PASK: variants seen among roughly 807,000 people sequenced by gnomAD.
PASK encodes the protein PAS domain containing serine/threonine kinase, also known as PAS domain-containing serine/threonine-protein kinase.
Under a neutral mutation model 121.0 loss-of-function variants are expected in PASK, and 110 were observed. The ratio of observed to expected loss-of-function variants is 0.91; its 90% CI spans 0.78 to 1.06. PASK has a LOEUF of 1.06. Among genes scored for constraint, PASK ranks in the 50% least tolerant of loss-of-function variants. The pLI, the probability that PASK is intolerant of heterozygous loss-of-function variation, is 0.00. For synonymous variants in PASK, 686 were observed against 717.8 expected, an observed-to-expected ratio of 0.96 and a Z score of 0.71; for missense variants, 1,643 against 1,702.3, an observed-to-expected ratio of 0.97 and a Z score of 0.61.
At chr2:241,130,146 C>G (rs2125435133) in intron 9 of PASK, among the ~76,000 whole-genome samples, 1 of 152,316 alleles carries the variant, frequency 6.6e-6, no homozygotes, top group Middle Eastern at 3.4e-3. Flanking sequence ...ATTGTCCTGA[C>G]CAGACTACAA....
In PASK at chr2:241,122,780, C is replaced by T. The variant is rs2065674482; in HGVS notation, c.3024G>A (p.Gly1008=). 6.2e-7 allele frequency: 1 copy of T among 1,614,092 alleles called. No homozygotes were observed. Among genetic ancestry groups the T allele is most frequent in the Admixed American group, 1.7e-5 (1 of 60,014 alleles). ...CAGCAGTCCACACGAAGCCGAAGGC[C>T]CCACTGCCCAGCGGGCTCATGGTAC... The part of the protein sequence containing the change: ...KYSTMSPLGS[G]AFGFVWTAVD... The change falls in exon 12 of 18, where the codon GGG becomes GGA. Residue 1008 remains glycine, a synonymous_variant. Coordinates refer to ENST00000234040, the MANE Select transcript of PASK (RefSeq NM_015148.4).
At position 241,106,437 on chromosome 2, in the gene PASK, CA is replaced by C. The variant is rs888243722; in HGVS notation, c.*128del. On this transcript the variant is annotated 3_prime_UTR_variant, in exon 18 of 18. Coordinates refer to ENST00000234040, the MANE Select transcript of PASK (RefSeq NM_015148.4). Reference sequence around the variant, plus strand: ...CACTGTCTTCTGTTCTGGTGTTTATCAAACCTGCACATGAGTTTTTAGAAGG... The same window carrying C: ...CACTGTCTTCTGTTCTGGTGTTTATCAACCTGCACATGAGTTTTTAGAAGG... The C allele has an allele frequency of 2.2e-5, 20 of 918,914 alleles. No homozygotes were observed. The African/African-American group carries it at 2.9e-4, about 13-fold the overall frequency. The allele number at this position is 918,914 out of a possible 1,614,324, so 56.9% of individuals were successfully genotyped here. A position where few individuals can be genotyped will look rare whatever the true frequency, so the allele number is the denominator to read the frequency against.
rs934132161 is a variant in PASK, at chr2:241,126,480, C to T, written c.2435G>A (p.Arg812Gln). Residue 812 changes from arginine (R) to glutamine (Q), a missense_variant, in exon 10 of 18, where the codon CGG (arginine) becomes CAG (glutamine). Transcript: ENST00000234040. ...GTCVDLGQGR[R>Q]FRESCVGHDP... ...ATGTCCCACACAGCTCTCCCGGAAC[C>T]GTCGGCCTTGGCCAAGGTCAACACA... 1.2e-6 allele frequency: 2 copies of T among 1,614,216 alleles called. No individual in the cohort carries two copies. Among genetic ancestry groups the T allele is most frequent in the Non-Finnish European group, 1.7e-6 (2 of 1,180,016 alleles).
In PASK at chr2:241,131,473, C is replaced by T. The variant is rs117384835; in HGVS notation, c.1463+1401G>A. On this transcript the variant is annotated intron_variant, in intron 9 of 17. Coordinates refer to ENST00000234040, the MANE Select transcript of PASK (RefSeq NM_015148.4). ...CATGCATTACATATTTTTAAACATA[C>T]ATACATACTTTATATGTATCTATTA... Among the ~76,000 whole-genome samples, 933 of 152,300 alleles carry T rather than the reference C, an allele frequency of 6.1e-3. 36 individuals are homozygous for T. In the East Asian group the frequency reaches 0.093, roughly 15 times the overall value.
chr2:241,136,129 G>A (rs1352968002), intron 7 of PASK, 90 bp from the exon 8 acceptor site: 1 of 1,164,532 alleles, frequency 8.6e-7, no homozygotes, highest in Non-Finnish European at 1.3e-6. Context: ...AACACAAGGA[G>A]AGCCAGTCCC....
intron 12 of PASK, among the ~76,000 whole-genome samples, chr2:241,120,706 C>T (rs915230123): frequency 1.3e-5 from 2 of 152,134 alleles, no homozygotes; most frequent in African/African-American, 4.8e-5. Flanking sequence ...GACCAGGAAC[C>T]CTTGTACACT....
chr2:241,131,150 ATTT>A (rs58426249), intron 9 of PASK, among the ~76,000 whole-genome samples: 3 of 141,814 alleles, frequency 2.1e-5, no homozygotes, highest in Admixed American at 7.0e-5. Context: ...CATGTATTAC[ATTT>A]TTTTTTTTTT....
At position 241,107,485 on chromosome 2, in the gene PASK, C is replaced by G. The variant is rs990329623; in HGVS notation, c.3682G>C (p.Val1228Leu). Reference protein sequence around the residue: ...YLVSKELMSLVSGLLQPVPER... With the variant: ...YLVSKELMSLLSGLLQPVPER... ...GGGACTGGCTGCAGCAGCCCAGACA[C>G]AAGGCTCATGAGTTCTGGGGACACA... Residue 1228 changes from valine (V) to leucine (L), a missense_variant, in exon 17 of 18, where the codon GTG (valine) becomes CTG (leucine). This residue lies in a region of PASK where 453 missense variants were observed against 511.2 expected (regional missense o/e 0.89). Transcript: ENST00000234040. 1.9e-6 allele frequency: 3 copies of G among 1,614,066 alleles called. No homozygotes were observed. Among genetic ancestry groups the G allele is most frequent in the Non-Finnish European group, 2.5e-6 (3 of 1,179,966 alleles).
rs369472153 is a variant in PASK, at chr2:241,138,794, C to G, written c.601G>C (p.Val201Leu). The G allele has an allele frequency of 6.2e-7, 1 of 1,613,976 alleles. No homozygotes were observed. Among genetic ancestry groups the G allele is most frequent in the Non-Finnish European group, 8.5e-7 (1 of 1,180,040 alleles). Residue 201 changes from valine to leucine, a missense_variant and splice_region_variant, in exon 5 of 18, where the codon GTG becomes CTG. Val to Leu is a conservative substitution (Grantham distance 32). Around this residue, in one of 3 missense-constraint regions of PASK, gnomAD observed 1,176 missense variants for 1,162.2 expected, o/e 1.01. Coordinates refer to ENST00000234040, the MANE Select transcript of PASK (RefSeq NM_015148.4). ...GHAAVVFGTV[V>L]DIISRSGEKI... ...TCCCCACTACGGCTGATGATGTCCA[C>G]CTGTGGAAACAGACAGGTTCACACC...
intron 1 of PASK, among the ~76,000 whole-genome samples, chr2:241,143,526 G>A (rs1214056214): frequency 6.6e-6 from 1 of 151,722 alleles, no homozygotes; most frequent in South Asian, 2.1e-4. Flanking sequence ...ACTCCAGCCT[G>A]GGCGATAGAG....
intron 8 of PASK, among the ~76,000 whole-genome samples, chr2:241,135,163 T>A (rs1189169490): frequency 6.6e-6 from 1 of 152,244 alleles, no homozygotes; most frequent in Non-Finnish European, 1.5e-5. Context: ...AGACTGTGCA[T>A]ATGAAAGGGA....
chr2:241,121,495 C>A (rs2065609000), intron 12 of PASK, among the ~76,000 whole-genome samples: 1 of 152,118 alleles, frequency 6.6e-6, no homozygotes, highest in African/African-American at 2.4e-5. Flanking sequence ...TAGAAAACAT[C>A]TAGATTTAGA....
chr2:241,135,879 C>A lies in PASK; in HGVS notation c.1298G>T (p.Gly433Val), dbSNP rs1397286077. Residue 433 changes from glycine to valine, a missense_variant, in exon 8 of 18, where the codon GGG becomes GTG. Gly to Val is a moderately radical substitution (Grantham distance 109). Transcript: ENST00000234040. Reference sequence around the variant, plus strand: ...GGAAGAGGACGTCTTACCCTGGCCCCCCTCAGCTGGGTCCTGGCCCTGCCA... The same window carrying A: ...GGAAGAGGACGTCTTACCCTGGCCCACCTCAGCTGGGTCCTGGCCCTGCCA... The part of the protein sequence containing the change: ...DPWQGQDPAE[G>V]GQDPRINVVL... The A allele has an allele frequency of 1.9e-6, 3 of 1,613,940 alleles. No individual in the cohort carries two copies. The highest frequency in any genetic ancestry group is 3.3e-5 in the Admixed American group (2 of 60,008).
chr2:241,117,771 A>G (rs1323009602), intron 12 of PASK, among the ~76,000 whole-genome samples: 1 of 152,252 alleles, frequency 6.6e-6, no homozygotes, highest in Admixed American at 6.5e-5. Context: ...TTCTGAGAGG[A>G]GAAAGGCATA....
intron 12 of PASK, among the ~76,000 whole-genome samples, chr2:241,116,988 G>A (rs892597249): frequency 1.2e-4 from 19 of 152,340 alleles, no homozygotes; most frequent in Admixed American, 9.8e-4. Context: ...GGCAGCTTCT[G>A]AGCGCCTCGG....
At chr2:241,140,930 C>T in intron 2 of PASK, 177 bp from the exon 3 acceptor site, 1 of 650,632 alleles carries the variant, frequency 1.5e-6, no homozygotes, top group South Asian at 1.7e-5. Flanking sequence ...TCCCCAGAAT[C>T]CACTTAGGCA....
At chr2:241,146,506 C>T (rs1395511821) in intron 1 of PASK, among the ~76,000 whole-genome samples, 27 of 152,114 alleles carry the variant, frequency 1.8e-4, no homozygotes, top group Non-Finnish European at 1.3e-4. Flanking sequence ...AACCCAAACA[C>T]TCTTTAACAA....
intron 1 of PASK, among the ~76,000 whole-genome samples, chr2:241,143,338 CGAG>C (rs1559402814): frequency 6.6e-6 from 1 of 152,000 alleles, no homozygotes; most frequent in South Asian, 2.1e-4. Context: ...GTCAGGAGAT[CGAG>C]GAGATCGAGA....
intron 2 of PASK, 96 bp downstream of exon 2, chr2:241,142,741 C>A (rs2066761127): frequency 1.0e-6 from 1 of 969,808 alleles, no homozygotes; most frequent in Non-Finnish European, 1.6e-6. Flanking sequence ...AATAGAGTGA[C>A]TTCAATCCCT....
Sources: gnomAD v4.1 joint callset for allele counts (sites outside exome capture counted in the v4.1 genomes callset) on GRCh38, gnomAD v4.1.1 for gene constraint, gnomAD v4.1.1 regional missense constraint, MANE v1.5 for transcripts, NCBI Gene and HGNC (gene_info 2026-07-23, HGNC 2026-07-21) for gene names.